Variants in TCF4 observed in about 807,000 individuals in gnomAD.
TCF4 encodes SL3-3 enhancer factor 2.
TCF4 carries 3 observed loss-of-function variants against 82.1 expected under a neutral mutation model. The ratio of observed to expected loss-of-function variants is 0.04; its 90% CI spans 0.02 to 0.09. TCF4 has a LOEUF of 0.09. Among genes scored for constraint, TCF4 ranks in the 10% least tolerant of loss-of-function variants. The pLI, the probability that TCF4 is intolerant of heterozygous loss-of-function variation, is 1.00. For missense variants in TCF4, 518 were observed against 852.7 expected (o/e 0.61, Z 4.89); for synonymous variants, 276 against 309.6 (o/e 0.89, Z 1.14).
At chr18:55,621,805 T>TA (rs1422175262) in intron 2 of TCF4, among the ~76,000 whole-genome samples, 6 of 78,286 alleles carry the variant, frequency 7.7e-5, no homozygotes, top group Non-Finnish European at 9.1e-5. Flanking sequence ...TTATATGTTA[T>TA]ATTATATATT....
chr18:55,627,220 A>G (rs1225762673), intron 2 of TCF4, among the ~76,000 whole-genome samples: 2 of 152,170 alleles, frequency 1.3e-5, no homozygotes, highest in African/African-American at 4.8e-5. Context: ...TGTTCATTCT[A>G]TGAACATGTC....
intron 8 of TCF4, among the ~76,000 whole-genome samples, chr18:55,294,177 T>C (rs2065890601): frequency 6.6e-6 from 1 of 151,368 alleles, no homozygotes; most frequent in African/African-American, 2.4e-5. Context: ...TGAGAATTGC[T>C]TGAACCCAGG....
chr18:55,229,310 G>A, intron 17 of TCF4: 1 of 553,590 alleles, frequency 1.8e-6, no homozygotes, highest in African/African-American at 1.9e-5. Context: ...ACAGGTGAGG[G>A]TGACGTAGAT....
At chr18:55,485,265 T>A (rs2096497504) in intron 3 of TCF4, among the ~76,000 whole-genome samples, 1 of 152,164 alleles carries the variant, frequency 6.6e-6, no homozygotes, top group South Asian at 2.1e-4. Context: ...TATGTTTAAG[T>A]CCATTTGAGT....
chr18:55,234,690 G>A lies in TCF4; in HGVS notation c.1351-7C>T. 1.2e-6 allele frequency: 2 copies of A among 1,614,092 alleles called. No individual in the cohort carries two copies. Among genetic ancestry groups the A allele is most frequent in the Non-Finnish European group, 1.7e-6 (2 of 1,179,998 alleles). On this transcript the variant is annotated splice_polypyrimidine_tract_variant and splice_region_variant and intron_variant, in intron 15 of 19. Transcript: ENST00000354452. ...CTTCACGATGGGTCCCCACCTGAAA[G>A]GGCGAGAGGAACCAGAGAGGTGAGC...
At chr18:55,266,130 T>A (rs1186322911) in intron 11 of TCF4, 1 of 152,168 alleles carries the variant, frequency 6.6e-6, no homozygotes, top group Non-Finnish European at 1.5e-5. Context: ...TGGTCTGTGC[T>A]ATGGTAGGAG....
intron 8 of TCF4, among the ~76,000 whole-genome samples, chr18:55,324,591 T>C (rs899419414): frequency 1.3e-5 from 2 of 152,190 alleles, no homozygotes; most frequent in Non-Finnish European, 2.9e-5. Context: ...AGTCTACTGC[T>C]TGTTTCACAG....
chr18:55,266,094 G>C (rs902873026), intron 11 of TCF4: 1 of 152,132 alleles, frequency 6.6e-6, no homozygotes, highest in Non-Finnish European at 1.5e-5. Flanking sequence ...GGGAGACGAC[G>C]CATTCTCACC....
At chr18:55,244,586 T>C (rs1333216121) in intron 15 of TCF4, among the ~76,000 whole-genome samples, 1 of 152,214 alleles carries the variant, frequency 6.6e-6, no homozygotes, top group Non-Finnish European at 1.5e-5. Context: ...CACTTTTTCT[T>C]CTAATAGGAA....
At chr18:55,571,821 C>T (rs183767101) in intron 3 of TCF4, among the ~76,000 whole-genome samples, 1 of 148,750 alleles carries the variant, frequency 6.7e-6, no homozygotes, top group Non-Finnish European at 1.5e-5. Context: ...ATAATTCAGC[C>T]TCCAACCCAT....
At chr18:55,409,085 A>G (rs1235529972) in intron 5 of TCF4, among the ~76,000 whole-genome samples, 4 of 152,194 alleles carry the variant, frequency 2.6e-5, no homozygotes, top group Admixed American at 2.6e-4. Flanking sequence ...TAACAAAAAC[A>G]TGGCAGAAAA....
At chr18:55,616,646 T>C (rs142731897) in intron 2 of TCF4, among the ~76,000 whole-genome samples, 90 of 152,238 alleles carry the variant, frequency 5.9e-4, no homozygotes, top group Non-Finnish European at 1.2e-3. Context: ...TTTTTAATAA[T>C]TGCCATCCTA....
intron 15 of TCF4, among the ~76,000 whole-genome samples, chr18:55,244,679 C>T (rs2145104427): frequency 6.6e-6 from 1 of 152,296 alleles, no homozygotes; most frequent in South Asian, 2.1e-4. Flanking sequence ...ATGGTGACCT[C>T]AGTTCTATAT....
intron 3 of TCF4, among the ~76,000 whole-genome samples, chr18:55,538,233 G>C (rs1348124470): frequency 6.6e-6 from 1 of 152,004 alleles, no homozygotes; most frequent in Admixed American, 6.6e-5. Context: ...TTCTTGAGGG[G>C]TTTTTAGTCC....
intron 3 of TCF4, among the ~76,000 whole-genome samples, chr18:55,528,566 A>G (rs570383907): frequency 6.6e-6 from 1 of 152,316 alleles, no homozygotes; most frequent in South Asian, 2.1e-4. Context: ...AAGATGTAAA[A>G]GCAAAAATAT....
intron 8 of TCF4, among the ~76,000 whole-genome samples, chr18:55,337,724 A>T (rs1603170004): frequency 2.6e-5 from 4 of 152,134 alleles, no homozygotes; most frequent in Admixed American, 2.6e-4. Flanking sequence ...ACAAGGGAGT[A>T]TCCCTTCAAG....
chr18:55,549,891 C>T (rs997475391), intron 3 of TCF4, among the ~76,000 whole-genome samples: 1 of 152,182 alleles, frequency 6.6e-6, no homozygotes, highest in Non-Finnish European at 1.5e-5. Context: ...TATTAGCTTA[C>T]TCCCGGTCCA....
chr18:55,245,610 T>C (rs1026537151), intron 15 of TCF4, among the ~76,000 whole-genome samples: 1 of 152,214 alleles, frequency 6.6e-6, no homozygotes, highest in African/African-American at 2.4e-5. Context: ...ATCAGGCAGT[T>C]TTCTTACTTC....
At chr18:55,237,007 T>C (rs2049664873) in intron 15 of TCF4, among the ~76,000 whole-genome samples, 1 of 152,200 alleles carries the variant, frequency 6.6e-6, no homozygotes, top group Non-Finnish European at 1.5e-5. Context: ...ACTTAAAATA[T>C]ATTCAGTTAC....
Sources: allele counts gnomAD v4.1 joint callset (sites outside exome capture counted in the v4.1 genomes callset), GRCh38; gene constraint gnomAD v4.1.1; transcripts MANE v1.5; gene names NCBI Gene and HGNC (gene_info 2026-07-23, HGNC 2026-07-21).